Variants in SLC22A24 observed in about 807,000 individuals in gnomAD.
The protein encoded by SLC22A24 is solute carrier family 22 member 24.
Under a neutral mutation model 49.8 loss-of-function variants are expected in SLC22A24, and 53 were observed. The ratio of observed to expected loss-of-function variants is 1.06; its 90% CI spans 0.85 to 1.34. The LOEUF (loss-of-function observed/expected upper bound fraction) is 1.34. Among genes scored for constraint, SLC22A24 ranks in the 40% most tolerant of loss-of-function variants. The probability of loss-of-function intolerance (pLI) is 0.00; values close to 1 mark genes in which losing one functional copy is unlikely to be tolerated. For missense variants in SLC22A24, 786 were observed against 675.9 expected (o/e 1.16, Z -1.81); for synonymous variants, 302 against 256.4 (o/e 1.18, Z -1.70).
intron 1 of SLC22A24, among the ~76,000 whole-genome samples, chr11:63,138,466 C>T (rs1252484805): frequency 6.6e-6 from 1 of 151,842 alleles, no homozygotes; most frequent in Non-Finnish European, 1.5e-5. Context: ...CACGGTGAAA[C>T]CCTGTCTCTA....
chr11:63,089,247 A>G (rs2087004605), intron 6 of SLC22A24, among the ~76,000 whole-genome samples: 1 of 152,242 alleles, frequency 6.6e-6, no homozygotes, highest in South Asian at 2.1e-4. Flanking sequence ...ACAAGCCAGA[A>G]GAGAGTGGGG....
chr11:63,125,157 T>TA (rs202145040), intron 2 of SLC22A24, among the ~76,000 whole-genome samples: 2 of 152,194 alleles, frequency 1.3e-5, no homozygotes, highest in East Asian at 1.9e-4. Flanking sequence ...TATTTTTCAT[T>TA]AAAAAATTTT....
chr11:63,132,723 A>G (rs1231510173), intron 2 of SLC22A24, among the ~76,000 whole-genome samples: 3 of 152,098 alleles, frequency 2.0e-5, no homozygotes, highest in Non-Finnish European at 4.4e-5. Context: ...GTCGGCCCCT[A>G]CTGGGAAGTG....
At chr11:63,081,732 A>G (rs1311555506) in intron 7 of SLC22A24, 66 bp from the exon 8 acceptor site, 1 of 1,062,320 alleles carries the variant, frequency 9.4e-7, no homozygotes, top group Non-Finnish European at 1.4e-6. Flanking sequence ...AAATAATTGT[A>G]AAAAGATTCT....
chr11:63,142,879 C>G (rs2087425481), intron 1 of SLC22A24, among the ~76,000 whole-genome samples: 1 of 152,136 alleles, frequency 6.6e-6, no homozygotes, highest in Non-Finnish European at 1.5e-5. Flanking sequence ...CTCAGGGAGA[C>G]TAATTTGAGT....
rs540668039 is a variant in SLC22A24, at chr11:63,111,317, T to G, written c.831-7019A>C. ...GTATTGGTCTAAAATTCTCTTTTTT[T>G]GTTGTGTCTCTGCCCGGCTTTGGTA... On this transcript the variant is annotated intron_variant, in intron 4 of 9. Coordinates refer to ENST00000612278, the MANE Select transcript of SLC22A24 (RefSeq NM_001136506.2). 2.5e-4 allele frequency among the ~76,000 whole-genome samples: 38 copies of G among 152,214 alleles called. No homozygotes were observed. In the South Asian group the frequency reaches 4.8e-3, roughly 19 times the overall value.
At chr11:63,107,295 C>G (rs1484695215) in intron 4 of SLC22A24, among the ~76,000 whole-genome samples, 1 of 152,054 alleles carries the variant, frequency 6.6e-6, no homozygotes, top group Non-Finnish European at 1.5e-5. Flanking sequence ...GTCTATATCT[C>G]TGTTTTGGTA....
chr11:63,120,442 T>C (rs2087243539), intron 2 of SLC22A24, among the ~76,000 whole-genome samples: 1 of 151,084 alleles, frequency 6.6e-6, no homozygotes, highest in South Asian at 2.1e-4. Context: ...ACCCTAAAAC[T>C]TAAAATATAA....
chr11:63,123,545 T>C (rs997723598), intron 2 of SLC22A24, among the ~76,000 whole-genome samples: 6 of 152,202 alleles, frequency 3.9e-5, no homozygotes, highest in South Asian at 4.1e-4. Flanking sequence ...AAACTCCATA[T>C]GCATGTCTAA....
At chr11:63,123,981 A>G (rs1446195120) in intron 2 of SLC22A24, among the ~76,000 whole-genome samples, 1 of 152,164 alleles carries the variant, frequency 6.6e-6, no homozygotes, top group Non-Finnish European at 1.5e-5. Flanking sequence ...ACTGAGAGTA[A>G]CTTGGGTGAA....
At chr11:63,127,787 ATGT>A (rs200240567) in intron 2 of SLC22A24, among the ~76,000 whole-genome samples, 2,339 of 152,232 alleles carry the variant, frequency 0.015, 27 homozygotes, top group Middle Eastern at 0.048. Context: ...CTTTTGAGAA[ATGT>A]TGTTCATATC....
intron 4 of SLC22A24, among the ~76,000 whole-genome samples, chr11:63,117,257 G>T (rs1229304628): frequency 6.6e-6 from 1 of 152,122 alleles, no homozygotes; most frequent in African/African-American, 2.4e-5. Flanking sequence ...TGTAGTGATT[G>T]TTTGTTTGGT....
intron 1 of SLC22A24, among the ~76,000 whole-genome samples, chr11:63,139,576 A>T (rs7948969): frequency 6.6e-6 from 1 of 151,974 alleles, no homozygotes; most frequent in Admixed American, 6.5e-5. Flanking sequence ...CCAACCCCCA[A>T]TGAGAAATGA....
rs186856433 is a variant in SLC22A24, at chr11:63,144,069, C to T, written c.-290G>A. The stretch of plus-strand genomic sequence containing the variant: ...TTGACAACTGAATCTTCTTAAAAGA[C>T]TACTCTGTGAAAGATCCTGATCTCT... On this transcript the variant is annotated 5_prime_UTR_variant, in exon 1 of 10. Coordinates refer to ENST00000612278, the MANE Select transcript of SLC22A24 (RefSeq NM_001136506.2). 69 of 251,416 alleles carry T rather than the reference C, an allele frequency of 2.7e-4. No individual in the cohort carries two copies. Among genetic ancestry groups the T allele is most frequent in the African/African-American group, 1.2e-3 (53 of 45,304 alleles). 15.6% of individuals were successfully genotyped at this position (251,416 alleles called of 1,614,324 possible).
At position 63,081,033 on chromosome 11, in the gene SLC22A24, G is replaced by C; in HGVS notation, c.1485C>G (p.His495Gln). 6.4e-7 allele frequency: 1 copy of C among 1,551,740 alleles called. No individual in the cohort carries two copies. Among genetic ancestry groups the C allele is most frequent in the Non-Finnish European group, 8.7e-7 (1 of 1,147,006 alleles). The change falls in exon 9 of 10, where the codon CAC becomes CAG. Residue 495 changes from histidine (H) to glutamine (Q), a missense_variant. Transcript: ENST00000612278. ...AGACTCCATAGGAAATCCAGGGTAGGTGGGGAGAATACGCCATTAAGGTCA... is the reference window on the plus strand; with the variant it reads ...AGACTCCATAGGAAATCCAGGGTAGCTGGGGAGAATACGCCATTAAGGTCA... ...LLMTLMAYSP[H>Q]LPWISYGVFP...
intron 2 of SLC22A24, among the ~76,000 whole-genome samples, chr11:63,132,615 C>G (rs937645178): frequency 2.6e-5 from 4 of 152,214 alleles, no homozygotes; most frequent in African/African-American, 7.2e-5. Flanking sequence ...CTAGCAGAAG[C>G]TGCAGAACAG....
At chr11:63,082,543 C>G (rs2086965972) in intron 7 of SLC22A24, among the ~76,000 whole-genome samples, 1 of 152,116 alleles carries the variant, frequency 6.6e-6, no homozygotes, top group South Asian at 2.1e-4. Context: ...GAAGGTCATT[C>G]TATTAATTTA....
At chr11:63,140,972 C>A (rs1284236491) in intron 1 of SLC22A24, among the ~76,000 whole-genome samples, 1 of 152,094 alleles carries the variant, frequency 6.6e-6, no homozygotes, top group Non-Finnish European at 1.5e-5. Flanking sequence ...CACAAGTTGG[C>A]TAAGATGTAA....
intron 6 of SLC22A24, among the ~76,000 whole-genome samples, chr11:63,084,847 C>A (rs2086978554): frequency 6.6e-6 from 1 of 152,108 alleles, no homozygotes; most frequent in African/African-American, 2.4e-5. Context: ...GGTTCTCTAA[C>A]TCTGAATGAA....
Sources: gnomAD v4.1 joint callset for allele counts (sites outside exome capture counted in the v4.1 genomes callset) on GRCh38, gnomAD v4.1.1 for gene constraint, MANE v1.5 for transcripts, NCBI Gene and HGNC (gene_info 2026-07-23, HGNC 2026-07-21) for gene names.